CAPN14: variants seen among roughly 807,000 people sequenced by gnomAD.
CAPN14 encodes calpain 14.
In CAPN14, 94 loss-of-function variants were observed where a neutral mutation model predicts 101.3. The ratio of observed to expected loss-of-function variants is 0.93; its 90% CI spans 0.79 to 1.10. The LOEUF (loss-of-function observed/expected upper bound fraction) is 1.10, where lower values mean the gene tolerates loss of function less well. Among genes scored for constraint, CAPN14 ranks in the 50% least tolerant of loss-of-function variants. The pLI is 0.00. For synonymous variants in CAPN14, 338 were observed against 317.9 expected (o/e 1.06, Z -0.67); for missense variants, 837 against 828.4 (o/e 1.01, Z -0.13).
chr2:31,194,919 G>T (rs1167649916), intron 8 of CAPN14, among the ~76,000 whole-genome samples: 1 of 152,178 alleles, frequency 6.6e-6, no homozygotes, highest in African/African-American at 2.4e-5. Context: ...CAAAATATGA[G>T]AAACTGTTTT....
chr2:31,183,287 A>G (rs1383335419), intron 16 of CAPN14, among the ~76,000 whole-genome samples: 1 of 152,258 alleles, frequency 6.6e-6, no homozygotes, highest in African/African-American at 2.4e-5. Context: ...CAAGGACTTC[A>G]TGACTAAAAC....
rs180922577 is a variant in CAPN14 at position 31,192,663 on chromosome 2, C to T, written c.1114+468G>A. 5.9e-5 allele frequency among the ~76,000 whole-genome samples: 9 copies of T among 152,234 alleles called. No individual in the cohort carries two copies. In the South Asian group the frequency reaches 8.3e-4, roughly 14 times the overall value. Reference sequence around the variant, plus strand: ...TGGGAGTCCAGACAGGTTTGTCTCCCGTATCTAGTGATCCTGGGAAGCCCT... The same window carrying T: ...TGGGAGTCCAGACAGGTTTGTCTCCTGTATCTAGTGATCCTGGGAAGCCCT... On this transcript the variant is annotated intron_variant, in intron 10 of 21. Coordinates refer to ENST00000403897, the MANE Select transcript of CAPN14 (RefSeq NM_001145122.2).
rs1374831920 is a variant in CAPN14, at chr2:31,174,453, C to G, written c.*228G>C. 3 of 597,286 alleles carry G rather than the reference C, an allele frequency of 5.0e-6. No homozygotes were observed. The highest frequency in any genetic ancestry group is 8.9e-6 in the Non-Finnish European group (3 of 336,440). 37.0% of individuals were successfully genotyped at this position (597,286 alleles called of 1,614,324 possible). On this transcript the variant is annotated 3_prime_UTR_variant, in exon 22 of 22. Transcript: ENST00000403897. ...AGGTTGTGGCCTCAGGGAAGGATGG[C>G]TAGCTTTTACAAATCTGATGTAATC...
chr2:31,211,417 C>T (rs1288116413), intron 1 of CAPN14, among the ~76,000 whole-genome samples: 1 of 151,924 alleles, frequency 6.6e-6, no homozygotes, highest in African/African-American at 2.4e-5. Context: ...ATACACTATA[C>T]AGAAACTCGG....
intron 1 of CAPN14, among the ~76,000 whole-genome samples, chr2:31,211,016 G>A (rs1024452452): frequency 2.0e-5 from 3 of 152,064 alleles, no homozygotes; most frequent in Non-Finnish European, 2.9e-5. Context: ...ATTTGGGCTA[G>A]AATGAAATTT....
chr2:31,214,874 C>G (rs1682571300), intron 1 of CAPN14, among the ~76,000 whole-genome samples: 1 of 152,222 alleles, frequency 6.6e-6, no homozygotes, highest in Non-Finnish European at 1.5e-5. Flanking sequence ...CTAGAAGGAA[C>G]TTAGTGGTCA....
intron 1 of CAPN14, among the ~76,000 whole-genome samples, chr2:31,216,179 A>G (rs2148702908): frequency 6.6e-6 from 1 of 152,148 alleles, no homozygotes; most frequent in African/African-American, 2.4e-5. Flanking sequence ...AGACACAAAA[A>G]CTCTTTGATT....
upstream of CAPN14, among the ~76,000 whole-genome samples, chr2:31,217,935 C>G (rs958671559): frequency 1.3e-5 from 2 of 152,192 alleles, no homozygotes; most frequent in African/African-American, 4.8e-5. Flanking sequence ...AAAGTATTTT[C>G]AAGAGGTGGC....
chr2:31,201,122 C>T (rs199527756), intron 5 of CAPN14, among the ~76,000 whole-genome samples: 29,819 of 149,992 alleles, frequency 0.2, 3,231 homozygotes, highest in East Asian at 0.37. Context: ...CGTGTGTGTG[C>T]ATGTGTGTAT....
At chr2:31,198,263 C>T (rs1204640114) in intron 7 of CAPN14, among the ~76,000 whole-genome samples, 9 of 152,154 alleles carry the variant, frequency 5.9e-5, no homozygotes, top group African/African-American at 2.4e-5. Flanking sequence ...CTCCCTGCTC[C>T]GAGTTGTCCT....
At chr2:31,233,525 G>A (rs1030367493) in intron 1 of CAPN14, among the ~76,000 whole-genome samples, 1 of 152,160 alleles carries the variant, frequency 6.6e-6, no homozygotes, top group Non-Finnish European at 1.5e-5. Context: ...TCCTGGAAGG[G>A]AGAGTCTGTT....
At chr2:31,175,478 T>C (rs1680243585) in intron 21 of CAPN14, among the ~76,000 whole-genome samples, 2 of 152,240 alleles carry the variant, frequency 1.3e-5, no homozygotes, top group Admixed American at 1.3e-4. Context: ...CACTGGACCC[T>C]GCTCAGTTTT....
chr2:31,193,407 A>T (rs1316525868), intron 9 of CAPN14, 113 bp from the exon 10 acceptor site: 3 of 1,049,972 alleles, frequency 2.9e-6, no homozygotes, highest in Non-Finnish European at 4.1e-6. Flanking sequence ...CTCATGGACA[A>T]AGACACCAGC....
intron 8 of CAPN14, among the ~76,000 whole-genome samples, chr2:31,196,035 A>G (rs914057933): frequency 1.3e-5 from 2 of 152,250 alleles, no homozygotes; most frequent in African/African-American, 4.8e-5. Context: ...AGTGCCGCAT[A>G]TTCTCAAGGA....
upstream of CAPN14, among the ~76,000 whole-genome samples, chr2:31,222,168 C>T (rs886249239): frequency 1.3e-5 from 2 of 152,154 alleles, no homozygotes; most frequent in African/African-American, 4.8e-5. Context: ...TTTCCTCCTA[C>T]AGTTCCAAGG....
intron 19 of CAPN14, among the ~76,000 whole-genome samples, chr2:31,177,473 T>G (rs776343611): frequency 4.6e-5 from 7 of 152,150 alleles, no homozygotes; most frequent in Non-Finnish European, 1.0e-4. Flanking sequence ...CCCCAGGCAA[T>G]TGAGCTTCAA....
chr2:31,194,839 C>T (rs577521221), intron 8 of CAPN14, among the ~76,000 whole-genome samples: 1 of 152,314 alleles, frequency 6.6e-6, no homozygotes, highest in East Asian at 1.9e-4. Flanking sequence ...ATCATTTGAA[C>T]TTCTACTTCT....
intron 18 of CAPN14, 68 bp from the exon 19 acceptor site, chr2:31,177,889 G>A: frequency 8.6e-7 from 1 of 1,166,066 alleles, no homozygotes; most frequent in Non-Finnish European, 1.3e-6. Flanking sequence ...AGCCCTGTGT[G>A]CCCCTTGTCA....
At chr2:31,193,776 G>C (rs1341942647) in intron 9 of CAPN14, among the ~76,000 whole-genome samples, 2 of 152,180 alleles carry the variant, frequency 1.3e-5, no homozygotes, top group Non-Finnish European at 2.9e-5. Flanking sequence ...GAAAAAACAG[G>C]AATTTGCAGA....
Sources: gnomAD v4.1 joint callset for allele counts (sites outside exome capture counted in the v4.1 genomes callset) on GRCh38, gnomAD v4.1.1 for gene constraint, MANE v1.5 for transcripts, NCBI Gene and HGNC (gene_info 2026-07-23, HGNC 2026-07-21) for gene names.